KSR1: variants seen among roughly 807,000 people sequenced by gnomAD.
KSR1 encodes the protein kinase suppressor of ras.
KSR1 carries 35 observed loss-of-function variants against 92.9 expected under a neutral mutation model. The ratio of observed to expected loss-of-function variants is 0.38; its 90% CI spans 0.29 to 0.50. The LOEUF (loss-of-function observed/expected upper bound fraction) is 0.50. Among genes scored for constraint, KSR1 ranks in the 20% least tolerant of loss-of-function variants. KSR1 has a pLI of 0.94. For missense variants in KSR1, 972 were observed against 1,158.5 expected (o/e 0.84, Z 2.34); for synonymous variants, 467 against 472.6 (o/e 0.99, Z 0.15).
intron 10 of KSR1, among the ~76,000 whole-genome samples, chr17:27,598,831 C>T (rs953590875): frequency 1.3e-5 from 2 of 152,160 alleles, no homozygotes; most frequent in East Asian, 1.9e-4. Context: ...TCTCTTTGGT[C>T]GTGGCAGCAC....
intron 1 of KSR1, among the ~76,000 whole-genome samples, chr17:27,503,770 C>G (rs1222206205): frequency 6.6e-6 from 1 of 152,188 alleles, no homozygotes; most frequent in African/African-American, 2.4e-5. Context: ...TTGCCACATT[C>G]CTTCCTCCTA....
At chr17:27,602,699 G>A (rs1266534869) in intron 11 of KSR1, among the ~76,000 whole-genome samples, 1 of 152,196 alleles carries the variant, frequency 6.6e-6, no homozygotes, top group Non-Finnish European at 1.5e-5. Context: ...GGGATGGGTG[G>A]AAATGCCAGG....
intron 6 of KSR1, among the ~76,000 whole-genome samples, chr17:27,589,556 A>AT (rs1175398479): frequency 1.3e-5 from 2 of 152,130 alleles, no homozygotes; most frequent in African/African-American, 4.8e-5. Context: ...GAATCAAATG[A>AT]GCTAGTGTTG....
chr17:27,508,095 C>T (rs190111890), intron 1 of KSR1, among the ~76,000 whole-genome samples: 1 of 152,280 alleles, frequency 6.6e-6, no homozygotes, highest in Admixed American at 6.5e-5. Flanking sequence ...GGAGCAAGTG[C>T]CCTGGGCAGT....
intron 20 of KSR1, chr17:27,623,090 G>T (rs2074269600): frequency 6.8e-6 from 4 of 590,622 alleles, no homozygotes; most frequent in Non-Finnish European, 1.2e-5. Flanking sequence ...ACTTGGAGAT[G>T]AATGAGCCAC....
At chr17:27,485,252 A>G (rs1412603013) in intron 1 of KSR1, among the ~76,000 whole-genome samples, 1 of 152,190 alleles carries the variant, frequency 6.6e-6, no homozygotes, top group African/African-American at 2.4e-5. Context: ...ATGTGGGCTG[A>G]TGGGTCACCA....
chr17:27,543,166 C>G (rs552259144), intron 1 of KSR1, among the ~76,000 whole-genome samples: 13 of 152,346 alleles, frequency 8.5e-5, no homozygotes, highest in South Asian at 4.1e-4. Context: ...GCCATTTTAG[C>G]TGGTGCTAAA....
At chr17:27,583,161 A>G in intron 4 of KSR1, 56 bp downstream of exon 4, 1 of 1,223,802 alleles carries the variant, frequency 8.2e-7, no homozygotes, top group Non-Finnish European at 1.1e-6. Flanking sequence ...TTCTAATCAT[A>G]AAGATATATG....
At chr17:27,522,281 T>G (rs2070066904) in intron 1 of KSR1, among the ~76,000 whole-genome samples, 1 of 152,156 alleles carries the variant, frequency 6.6e-6, no homozygotes, top group South Asian at 2.1e-4. Context: ...GAGAAGGGGC[T>G]ATGAACTTGA....
chr17:27,624,462 A>G lies in KSR1; in HGVS notation c.*1070A>G, dbSNP rs1264742703. 1 of 152,208 alleles carries G rather than the reference A, an allele frequency of 6.6e-6. No individual in the cohort carries two copies. 9.4% of individuals were successfully genotyped at this position (152,208 alleles called of 1,614,324 possible). A position where few individuals can be genotyped will look rare whatever the true frequency, so the allele number is the denominator to read the frequency against. On this transcript the variant is annotated 3_prime_UTR_variant, in exon 21 of 21. Transcript: ENST00000644974. Reference sequence around the variant, plus strand: ...AGTTCAGCTGGGCAGTGTGTGGGCTATCACCCCTTTCATTTAGACCTACCT... The same window carrying G: ...AGTTCAGCTGGGCAGTGTGTGGGCTGTCACCCCTTTCATTTAGACCTACCT...
chr17:27,613,960 T>C (rs113850899), intron 18 of KSR1, among the ~76,000 whole-genome samples: 2 of 152,160 alleles, frequency 1.3e-5, no homozygotes, highest in African/African-American at 4.8e-5. Context: ...CACCAAAATA[T>C]CCAGCTAATT....
intron 1 of KSR1, among the ~76,000 whole-genome samples, chr17:27,507,087 G>A (rs995414331): frequency 2.4e-4 from 36 of 152,216 alleles, no homozygotes; most frequent in African/African-American, 8.7e-4. Context: ...GTCGGGGTGT[G>A]CAGTGTAAAA....
intron 2 of KSR1, among the ~76,000 whole-genome samples, chr17:27,557,640 T>C (rs149396986): frequency 2.5e-4 from 38 of 152,326 alleles, no homozygotes; most frequent in African/African-American, 9.1e-4. Context: ...TTTATCCATA[T>C]GAGAAATGAC....
chr17:27,613,912 C>T (rs551596403), intron 18 of KSR1, among the ~76,000 whole-genome samples: 6 of 152,308 alleles, frequency 3.9e-5, no homozygotes, highest in Non-Finnish European at 8.8e-5. Context: ...CAAGTGATCT[C>T]CCGCCTCAGC....
At chr17:27,487,412 G>A (rs950908168) in intron 1 of KSR1, among the ~76,000 whole-genome samples, 2 of 152,020 alleles carry the variant, frequency 1.3e-5, no homozygotes, top group East Asian at 1.9e-4. Context: ...ACCAGCCTGC[G>A]TGACAGGAGC....
intron 1 of KSR1, among the ~76,000 whole-genome samples, chr17:27,498,989 G>A (rs1242791051): frequency 6.6e-6 from 1 of 152,178 alleles, no homozygotes. Context: ...TGAAAAAATG[G>A]AATTAGAAGT....
intron 2 of KSR1, among the ~76,000 whole-genome samples, chr17:27,570,455 G>A (rs916442506): frequency 2.0e-5 from 3 of 152,118 alleles, no homozygotes; most frequent in African/African-American, 7.2e-5. Context: ...GCCCTTTCTT[G>A]AACCCCTCTC....
chr17:27,599,187 A>G (rs1228772027), intron 10 of KSR1, among the ~76,000 whole-genome samples: 1 of 152,236 alleles, frequency 6.6e-6, no homozygotes, highest in Non-Finnish European at 1.5e-5. Context: ...ATTGTAGGCA[A>G]TTGTAGCACA....
Position 27,577,842 on chromosome 17 carries a change from C to G in KSR1, c.520+203C>G, listed in dbSNP as rs1468514732. The G allele has an allele frequency of 1.4e-6, 1 of 694,376 alleles. No homozygotes were observed. The highest frequency in any genetic ancestry group is 2.6e-6 in the Non-Finnish European group (1 of 381,686). 43.0% of individuals were successfully genotyped at this position (694,376 alleles called of 1,614,324 possible). A position where few individuals can be genotyped will look rare whatever the true frequency, so the allele number is the denominator to read the frequency against. ...CTGGATCCTGGTGGGTCTGGCCAGG[C>G]CGAATCTGAGGGGTTTCAGCCATGG... On this transcript the variant is annotated intron_variant, in intron 3 of 20. Coordinates refer to ENST00000644974, the MANE Select transcript of KSR1 (RefSeq NM_001394583.1). The surrounding 1 kb of genome is among the most constrained non-coding windows in gnomAD (Gnocchi z 4.5).
Sources: gnomAD v4.1 joint callset for allele counts (sites outside exome capture counted in the v4.1 genomes callset) on GRCh38, gnomAD v4.1.1 for gene constraint, Gnocchi (gnomAD v3.1) non-coding constraint, MANE v1.5 for transcripts, NCBI Gene and HGNC (gene_info 2026-07-23, HGNC 2026-07-21) for gene names.